The following CLASP1 variants were observed in gnomAD, a reference collection of about 807,000 sequenced individuals.
CLASP1 encodes cytoplasmic linker associated protein 1.
In CLASP1, 38 loss-of-function variants were observed where a neutral mutation model predicts 192.3. The observed-to-expected ratio is 0.20, with a 90% confidence interval of 0.15 to 0.26. The LOEUF (loss-of-function observed/expected upper bound fraction) is 0.26. Ranked by LOEUF, CLASP1 falls within the 10% of genes least tolerant of loss-of-function variation. The pLI, the probability that CLASP1 is intolerant of heterozygous loss-of-function variation, is 1.00. For missense variants in CLASP1, 1,433 were observed against 1,932.5 expected (o/e 0.74, Z 4.85); for synonymous variants, 691 against 712.8 (o/e 0.97, Z 0.49).
intron 19 of CLASP1, among the ~76,000 whole-genome samples, chr2:121,433,743 G>A (rs2081866773): frequency 6.6e-6 from 1 of 152,072 alleles, no homozygotes; most frequent in South Asian, 2.1e-4. Flanking sequence ...GCGACAAAGT[G>A]AGACTCTGTC....
rs191595163 is a variant in CLASP1 at position 121,614,270 on chromosome 2, T to C, written c.-285-8090A>G. ...CAGCACTTTGGGAGGCCAAGGCAGG[T>C]GGATGACCTGAGGTCAGGTGTTCGA... On this transcript the variant is annotated intron_variant, in intron 1 of 39. Coordinates refer to ENST00000263710, the Ensembl canonical transcript of CLASP1. Among the ~76,000 whole-genome samples, 998 of 148,276 alleles carry C rather than the reference T, an allele frequency of 6.7e-3. 15 individuals are homozygous for C. Among genetic ancestry groups the C allele is most frequent in the African/African-American group, 0.023 (954 of 41,242 alleles).
At chr2:121,645,166 G>C (rs1012980992) in intron 1 of CLASP1, among the ~76,000 whole-genome samples, 2 of 152,156 alleles carry the variant, frequency 1.3e-5, no homozygotes, top group African/African-American at 4.8e-5. Context: ...CTTGGTACCT[G>C]ATGCTCAATT....
At chr2:121,448,289 A>G in exon 18 of CLASP1, 1 of 1,613,614 alleles carries the variant, frequency 6.2e-7, no homozygotes. Flanking sequence ...TAGATGTGGT[A>G]CTTCCAGTAG....
chr2:121,348,068 G>A (rs927407638), intron 38 of CLASP1, among the ~76,000 whole-genome samples: 17 of 151,796 alleles, frequency 1.1e-4, no homozygotes, highest in African/African-American at 3.9e-4. Context: ...ACAGTGGAAC[G>A]CAGCTGCTTT....
intron 2 of CLASP1, among the ~76,000 whole-genome samples, chr2:121,538,179 C>T (rs149941502): frequency 1.1e-3 from 173 of 152,122 alleles, no homozygotes; most frequent in African/African-American, 4.0e-3. Context: ...TTTGGGAGGC[C>T]AAGGCAGGTG....
chr2:121,364,078 A>G (rs916626655), intron 36 of CLASP1: 1 of 152,356 alleles, frequency 6.6e-6, no homozygotes, highest in African/African-American at 2.4e-5. Flanking sequence ...GTATTTTTAA[A>G]AAGTTTTTTT....
chr2:121,512,796 T>C (rs192862106), intron 7 of CLASP1, among the ~76,000 whole-genome samples: 1 of 152,358 alleles, frequency 6.6e-6, no homozygotes, highest in Admixed American at 6.5e-5. Flanking sequence ...CTAAGGCATT[T>C]TCCTCACCAC....
chr2:121,466,019 T>G (rs1252942669), intron 9 of CLASP1, among the ~76,000 whole-genome samples: 1 of 152,148 alleles, frequency 6.6e-6, no homozygotes, highest in Non-Finnish European at 1.5e-5. Flanking sequence ...CAAAAATTAA[T>G]TCAAGATGGA....
chr2:121,399,689 T>C (rs767364594), intron 28 of CLASP1, among the ~76,000 whole-genome samples: 23 of 152,190 alleles, frequency 1.5e-4, no homozygotes, highest in Admixed American at 6.5e-4. Flanking sequence ...CCAAATCTAC[T>C]GAGATTAGGA....
At chr2:121,554,327 T>C (rs2058326805) in intron 2 of CLASP1, among the ~76,000 whole-genome samples, 1 of 151,932 alleles carries the variant, frequency 6.6e-6, no homozygotes, top group Non-Finnish European at 1.5e-5. Context: ...ATAAATCAGA[T>C]AGGCTGGTTG....
chr2:121,502,468 G>A (rs1421465853), intron 8 of CLASP1, among the ~76,000 whole-genome samples: 1 of 152,188 alleles, frequency 6.6e-6, no homozygotes, highest in Non-Finnish European at 1.5e-5. Context: ...TATGAGGGAG[G>A]AGGGATGAGG....
In CLASP1 at chr2:121,355,669, T is replaced by G. The variant is rs11892444; in HGVS notation, c.4207-6951A>C. Among the ~76,000 whole-genome samples, 195 of 152,332 alleles carry G rather than the reference T, an allele frequency of 1.3e-3. 1 individual carries two copies. Among genetic ancestry groups the G allele is most frequent in the African/African-American group, 4.5e-3 (188 of 41,580 alleles). On this transcript the variant is annotated intron_variant, in intron 37 of 39. Transcript: ENST00000263710. ...CAGGGTGAACTTCAGGTTTTGCCCC[T>G]GTGTTCTATGTAACATAAGAAGCAA...
intron 1 of CLASP1, among the ~76,000 whole-genome samples, chr2:121,620,570 G>A (rs376409095): frequency 5.9e-5 from 9 of 151,986 alleles, no homozygotes; most frequent in African/African-American, 2.2e-4. Flanking sequence ...GGATGGTCTC[G>A]ATCTATTGAC....
chr2:121,407,275 T>C (rs2077062413), intron 25 of CLASP1, among the ~76,000 whole-genome samples, 196 bp downstream of exon 26: 1 of 151,870 alleles, frequency 6.6e-6, no homozygotes, highest in South Asian at 2.1e-4. Context: ...AGCAAATGGA[T>C]GGCAAAGCAA....
chr2:121,477,114 T>C (rs976900113), intron 8 of CLASP1, among the ~76,000 whole-genome samples: 1 of 152,208 alleles, frequency 6.6e-6, no homozygotes, highest in Non-Finnish European at 1.5e-5. Context: ...GCTGCAGATC[T>C]GTTTGGTCTC....
intron 2 of CLASP1, among the ~76,000 whole-genome samples, chr2:121,593,212 A>G (rs9646910): frequency 0.96 from 146,253 of 152,254 alleles, 70,323 homozygotes; most frequent in East Asian, 1. Context: ...CTAACCAGGA[A>G]GAAGCATCAA....
intron 24 of CLASP1, among the ~76,000 whole-genome samples, chr2:121,409,610 ACT>A (rs1431924699): frequency 1.3e-5 from 2 of 152,188 alleles, no homozygotes; most frequent in Non-Finnish European, 2.9e-5. Context: ...TCTTTAAAGA[ACT>A]AAGAAATTTC....
chr2:121,355,451 T>A (rs1310645925), intron 37 of CLASP1, among the ~76,000 whole-genome samples: 1 of 152,210 alleles, frequency 6.6e-6, no homozygotes, highest in Non-Finnish European at 1.5e-5. Flanking sequence ...CTAATGTGGA[T>A]GAGGGCTTTG....
At chr2:121,533,319 T>C (rs1172353365) in intron 2 of CLASP1, among the ~76,000 whole-genome samples, 4 of 152,178 alleles carry the variant, frequency 2.6e-5, no homozygotes, top group African/African-American at 7.2e-5. Context: ...TGGGTTTCCA[T>C]TTCCCTACTG....
Sources: allele counts gnomAD v4.1 joint callset (sites outside exome capture counted in the v4.1 genomes callset), GRCh38; gene constraint gnomAD v4.1.1; transcripts MANE v1.5; gene names NCBI Gene and HGNC (gene_info 2026-07-23, HGNC 2026-07-21).